ZNF148: variants seen among roughly 807,000 people sequenced by gnomAD.
ZNF148 encodes zinc finger protein 148.
A neutral mutation model predicts 67.7 loss-of-function variants in ZNF148; 7 were observed. That is an observed-to-expected ratio of 0.10 (90% CI 0.06 to 0.19). ZNF148 has a LOEUF of 0.19. Among genes scored for constraint, ZNF148 ranks in the 10% least tolerant of loss-of-function variants. The pLI, the probability that ZNF148 is intolerant of heterozygous loss-of-function variation, is 1.00. For synonymous variants in ZNF148, 333 were observed against 330.7 expected, an observed-to-expected ratio of 1.01 and a Z score of -0.08; for missense variants, 583 against 947.1, an observed-to-expected ratio of 0.62 and a Z score of 5.05.
At chr3:125,244,659 A>G (rs1429354097) in intron 7 of ZNF148, among the ~76,000 whole-genome samples, 1 of 152,002 alleles carries the variant, frequency 6.6e-6, no homozygotes, top group Non-Finnish European at 1.5e-5. Context: ...CACCATGCCC[A>G]GCTTATTTTT....
At chr3:125,365,284 A>C (rs1942667188) in intron 1 of ZNF148, among the ~76,000 whole-genome samples, 1 of 152,170 alleles carries the variant, frequency 6.6e-6, no homozygotes, top group Admixed American at 6.5e-5. Flanking sequence ...ACCCTGAACG[A>C]ATAAATTCTG....
At chr3:125,315,475 G>A (rs1319683260) in intron 3 of ZNF148, among the ~76,000 whole-genome samples, 6 of 151,972 alleles carry the variant, frequency 3.9e-5, no homozygotes, top group Admixed American at 1.3e-4. Flanking sequence ...TTGGGAGGCC[G>A]AGGCGGGCAG....
chr3:125,249,823 T>C (rs1323214558), intron 7 of ZNF148, among the ~76,000 whole-genome samples: 1 of 152,178 alleles, frequency 6.6e-6, no homozygotes. Flanking sequence ...GGTGTGTGTG[T>C]ACATAATGAA....
At chr3:125,329,409 T>C (rs1286715824) in intron 2 of ZNF148, among the ~76,000 whole-genome samples, 2 of 149,372 alleles carry the variant, frequency 1.3e-5, no homozygotes, top group African/African-American at 4.9e-5. Flanking sequence ...TCGCCCAGGC[T>C]GGAGTGCAGT....
intron 7 of ZNF148, among the ~76,000 whole-genome samples, chr3:125,267,539 T>C (rs913200041): frequency 6.6e-6 from 1 of 151,978 alleles, no homozygotes; most frequent in African/African-American, 2.4e-5. Flanking sequence ...CCCTTCATTA[T>C]AAAAACCCTC....
At chr3:125,339,352 T>G (rs1941623163) in intron 1 of ZNF148, among the ~76,000 whole-genome samples, 1 of 152,208 alleles carries the variant, frequency 6.6e-6, no homozygotes, top group Non-Finnish European at 1.5e-5. Context: ...TTTTGAAAAA[T>G]GTTTAAGAGT....
intron 4 of ZNF148, among the ~76,000 whole-genome samples, chr3:125,293,858 T>TG (rs1939147324): frequency 6.6e-6 from 1 of 152,182 alleles, no homozygotes; most frequent in Non-Finnish European, 1.5e-5. Flanking sequence ...CACCAATAGA[T>TG]GCTGAAGTTA....
intron 5 of ZNF148, among the ~76,000 whole-genome samples, chr3:125,285,204 T>C (rs975032790): frequency 2.6e-5 from 4 of 152,204 alleles, no homozygotes; most frequent in African/African-American, 9.6e-5. Context: ...TGGAGTCCTC[T>C]AGGCATAATA....
At chr3:125,295,037 C>T (rs754135507) in intron 4 of ZNF148, among the ~76,000 whole-genome samples, 1 of 152,074 alleles carries the variant, frequency 6.6e-6, no homozygotes, top group Non-Finnish European at 1.5e-5. Flanking sequence ...TTTAAAAATG[C>T]TTTTTATAGA....
intron 3 of ZNF148, among the ~76,000 whole-genome samples, chr3:125,316,097 G>C (rs1322241815): frequency 6.6e-6 from 1 of 152,126 alleles, no homozygotes; most frequent in East Asian, 1.9e-4. Flanking sequence ...ATGAGAACAT[G>C]CATTTGTCTT....
chr3:125,307,885 C>T (rs9870577), intron 4 of ZNF148, among the ~76,000 whole-genome samples: 116,042 of 150,424 alleles, frequency 0.77, 45,271 homozygotes, highest in African/African-American at 0.85. Context: ...GTTCTTAACT[C>T]AAGCAATCCC....
intron 4 of ZNF148, among the ~76,000 whole-genome samples, chr3:125,304,300 T>C (rs1432852968): frequency 6.6e-6 from 1 of 151,920 alleles, no homozygotes; most frequent in Non-Finnish European, 1.5e-5. Flanking sequence ...AGAGTCTAGA[T>C]TGTGGGAAAA....
chr3:125,316,909 G>A (rs1343758845), intron 3 of ZNF148, among the ~76,000 whole-genome samples: 1 of 152,018 alleles, frequency 6.6e-6, no homozygotes, highest in African/African-American at 2.4e-5. Context: ...AATAAATATT[G>A]AGGAAGTAGT....
chr3:125,272,437 T>G (rs1937798437), intron 7 of ZNF148, among the ~76,000 whole-genome samples: 1 of 152,230 alleles, frequency 6.6e-6, no homozygotes, highest in Non-Finnish European at 1.5e-5. Context: ...GTAGGGATAC[T>G]CATACATAAA....
At position 125,228,031 on chromosome 3, in the gene ZNF148, A is replaced by G. The variant is rs1018674188; in HGVS notation, c.*4310T>C. On this transcript the variant is annotated 3_prime_UTR_variant, in exon 9 of 9. Coordinates refer to ENST00000360647, the MANE Select transcript of ZNF148 (RefSeq NM_021964.3). ...TCAGCTGAGAAACCAAGCTTGAAAA[A>G]TAAGTATCTAAAAATCAATGTAGAA... 6.6e-5 allele frequency: 10 copies of G among 152,636 alleles called. No homozygotes were observed. Among genetic ancestry groups the G allele is most frequent in the African/African-American group, 1.2e-4 (5 of 41,470 alleles). 9.5% of individuals were successfully genotyped at this position (152,636 alleles called of 1,614,324 possible).
chr3:125,348,699 C>T (rs942529785), intron 1 of ZNF148, among the ~76,000 whole-genome samples: 3 of 152,196 alleles, frequency 2.0e-5, no homozygotes, highest in Middle Eastern at 3.4e-3. Context: ...AGATTCAATA[C>T]GATCTCAATG....
chr3:125,271,791 G>GT lies in ZNF148; in HGVS notation c.667+5934dup, dbSNP rs1356749912. On this transcript the variant is annotated intron_variant, in intron 7 of 8. Coordinates refer to ENST00000360647, the MANE Select transcript of ZNF148 (RefSeq NM_021964.3). Reference sequence around the variant, plus strand: ...ATCATGAATTCTTAGGAATTGCTAGGTTTTTTTAAACTGCAATGAAGTACC... The same window carrying GT: ...ATCATGAATTCTTAGGAATTGCTAGGTTTTTTTTAAACTGCAATGAAGTACC... 2.6e-5 allele frequency among the ~76,000 whole-genome samples: 4 copies of GT among 152,040 alleles called. No individual in the cohort carries two copies. The East Asian group carries it at 5.8e-4, about 22-fold the overall frequency.
intron 1 of ZNF148, chr3:125,344,278 G>T: frequency 2.4e-6 from 1 of 421,556 alleles, no homozygotes; most frequent in South Asian, 2.5e-5. Context: ...CGACACGAAA[G>T]AGAATGAAGT....
At chr3:125,259,310 T>C (rs1937232241) in intron 7 of ZNF148, among the ~76,000 whole-genome samples, 1 of 152,222 alleles carries the variant, frequency 6.6e-6, no homozygotes, top group South Asian at 2.1e-4. Context: ...GAGATACTAG[T>C]ACACACTTAT....
Sources: allele counts gnomAD v4.1 joint callset (sites outside exome capture counted in the v4.1 genomes callset), GRCh38; gene constraint gnomAD v4.1.1; transcripts MANE v1.5; gene names NCBI Gene and HGNC (gene_info 2026-07-23, HGNC 2026-07-21).